TTC28: variants seen among roughly 807,000 people sequenced by gnomAD.
TTC28 encodes the protein tetratricopeptide repeat domain 28, also known as tetratricopeptide repeat protein 28.
A neutral mutation model predicts 198.0 loss-of-function variants in TTC28; 61 were observed. The observed-to-expected ratio is 0.31, with a 90% confidence interval of 0.25 to 0.38. The LOEUF (loss-of-function observed/expected upper bound fraction) is 0.38, where lower values mean the gene tolerates loss of function less well. Ranked by LOEUF, TTC28 falls within the 10% of genes least tolerant of loss-of-function variation. The pLI is 1.00. For missense variants in TTC28, 2,678 were observed against 3,164.0 expected (o/e 0.85, Z 3.69); for synonymous variants, 1,171 against 1,297.8 (o/e 0.90, Z 2.10).
At chr22:28,647,752 T>C (rs186293471) in intron 1 of TTC28, among the ~76,000 whole-genome samples, 166 of 151,434 alleles carry the variant, frequency 1.1e-3, no homozygotes, top group South Asian at 5.2e-3. Flanking sequence ...GGCAAGAGAA[T>C]GGTGTGAACC....
intron 2 of TTC28, among the ~76,000 whole-genome samples, chr22:28,388,096 T>C (rs1198956747): frequency 6.6e-6 from 1 of 152,218 alleles, no homozygotes; most frequent in African/African-American, 2.4e-5. Flanking sequence ...GGTTATTAAA[T>C]AGGGAATCCT....
At chr22:28,028,156 A>G (rs1344558198) in intron 13 of TTC28, among the ~76,000 whole-genome samples, 1 of 152,226 alleles carries the variant, frequency 6.6e-6, no homozygotes, top group African/African-American at 2.4e-5. Flanking sequence ...AAGAGTCTGC[A>G]GAGACCCCTT....
chr22:28,656,220 C>T (rs2051648761), intron 1 of TTC28, among the ~76,000 whole-genome samples: 1 of 152,094 alleles, frequency 6.6e-6, no homozygotes, highest in Non-Finnish European at 1.5e-5. Context: ...CAGGAGAGGC[C>T]CAAGGAGCCT....
chr22:28,562,301 C>T (rs962640498), intron 2 of TTC28, among the ~76,000 whole-genome samples: 64 of 152,174 alleles, frequency 4.2e-4, no homozygotes, highest in African/African-American at 1.4e-3. Context: ...ATTATAGATG[C>T]TTTCAATTTC....
At chr22:28,237,370 A>G (rs1372731312) in intron 5 of TTC28, among the ~76,000 whole-genome samples, 1 of 152,200 alleles carries the variant, frequency 6.6e-6, no homozygotes, top group African/African-American at 2.4e-5. Flanking sequence ...CAGTTACTCA[A>G]ATCATTTTCT....
intron 8 of TTC28, among the ~76,000 whole-genome samples, chr22:28,101,782 T>TAAAAA (rs11459818): frequency 9.4e-5 from 5 of 53,128 alleles, no homozygotes; most frequent in Non-Finnish European, 1.3e-4. Flanking sequence ...CCATCTCTGT[T>TAAAAA]AAAAAAAAAA....
chr22:28,607,642 T>C (rs1601616695), intron 2 of TTC28, among the ~76,000 whole-genome samples: 1 of 152,206 alleles, frequency 6.6e-6, no homozygotes, highest in Non-Finnish European at 1.5e-5. Context: ...AATAGGTAAG[T>C]AGAGGTTCTA....
At chr22:28,053,491 C>T (rs1340589372) in intron 12 of TTC28, among the ~76,000 whole-genome samples, 3 of 152,134 alleles carry the variant, frequency 2.0e-5, no homozygotes, top group Admixed American at 6.5e-5. Flanking sequence ...AGACTGAAGA[C>T]GGAATACTGG....
chr22:28,644,855 C>T (rs1387494539), intron 1 of TTC28, among the ~76,000 whole-genome samples: 1 of 151,720 alleles, frequency 6.6e-6, no homozygotes, highest in Non-Finnish European at 1.5e-5. Flanking sequence ...TTTTTAAATG[C>T]TCCAGTTCAG....
intron 6 of TTC28, among the ~76,000 whole-genome samples, chr22:28,161,717 AG>A (rs1313067916): frequency 4.8e-5 from 7 of 146,168 alleles, no homozygotes; most frequent in Non-Finnish European, 1.1e-4. Context: ...GAAAGAGGAA[AG>A]GAAAGAGGAC....
chr22:28,086,708 A>C (rs1274580319), intron 12 of TTC28, among the ~76,000 whole-genome samples: 3 of 152,196 alleles, frequency 2.0e-5, no homozygotes, highest in Non-Finnish European at 4.4e-5. Flanking sequence ...CCCTTCAAAA[A>C]ATTAATGAAT....
intron 2 of TTC28, among the ~76,000 whole-genome samples, chr22:28,600,259 G>T (rs2050617182): frequency 1.3e-5 from 2 of 151,732 alleles, no homozygotes; most frequent in Non-Finnish European, 2.9e-5. Context: ...AAAAAAAACA[G>T]CTGGGCATGG....
Position 27,983,019 on chromosome 22 carries a change from C to A in TTC28, c.6648G>T (p.Arg2216Ser). 1 of 1,551,680 alleles carries A rather than the reference C, an allele frequency of 6.4e-7. No individual in the cohort carries two copies. The highest frequency in any genetic ancestry group is 8.7e-7 in the Non-Finnish European group (1 of 1,146,980). Residue 2216 changes from arginine (R) to serine (S), a missense_variant, in exon 23 of 23, where the codon AGG (arginine) becomes AGT (serine). Physicochemically the swap from Arg to Ser is moderately radical, Grantham distance 110. This residue lies in a region of TTC28 where 622 missense variants were observed against 656.0 expected (regional missense o/e 0.95). Transcript: ENST00000397906. ...FRASETSAFS[R>S]PVLSHQKSQP... Reference sequence around the variant, plus strand: ...GACTCTTCTGATGGGAGAGAACAGGCCTGCTGAACGCACTGGTTTCTGACG... The same window carrying A: ...GACTCTTCTGATGGGAGAGAACAGGACTGCTGAACGCACTGGTTTCTGACG...
chr22:28,513,058 TAAACTCA>T (rs2048715321), intron 2 of TTC28, among the ~76,000 whole-genome samples: 1 of 149,824 alleles, frequency 6.7e-6, no homozygotes, highest in Admixed American at 6.7e-5. Context: ...TAGCTCACTG[TAAACTCA>T]AAAGCTCCTG....
chr22:28,506,180 AC>A (rs1477000216), intron 2 of TTC28, among the ~76,000 whole-genome samples: 1 of 150,088 alleles, frequency 6.7e-6, no homozygotes, highest in Non-Finnish European at 1.5e-5. Flanking sequence ...AGAAGCAGCC[AC>A]CATCTCTGCA....
chr22:28,149,401 A>AC (rs1253764351), intron 6 of TTC28, among the ~76,000 whole-genome samples: 1 of 152,252 alleles, frequency 6.6e-6, no homozygotes, highest in Admixed American at 6.5e-5. Context: ...GTATATATAC[A>AC]CAACGAAATA....
At chr22:28,012,488 T>C (rs141735215) in intron 14 of TTC28, among the ~76,000 whole-genome samples, 54 of 152,268 alleles carry the variant, frequency 3.5e-4, no homozygotes, top group African/African-American at 1.3e-3. Context: ...CATTCACTGC[T>C]GCTGCTGCCT....
intron 2 of TTC28, among the ~76,000 whole-genome samples, chr22:28,439,551 C>G (rs1397447144): frequency 6.6e-6 from 1 of 152,190 alleles, no homozygotes; most frequent in Non-Finnish European, 1.5e-5. Context: ...AGCTGTGATC[C>G]TACCATGCTA....
intron 5 of TTC28, among the ~76,000 whole-genome samples, chr22:28,292,062 C>T (rs1223306135): frequency 6.6e-6 from 1 of 151,222 alleles, no homozygotes; most frequent in African/African-American, 2.4e-5. Context: ...TTGGATAAAA[C>T]TAATAAATAT....
Sources: allele counts gnomAD v4.1 joint callset (sites outside exome capture counted in the v4.1 genomes callset), GRCh38; gene constraint gnomAD v4.1.1; regional missense constraint gnomAD v4.1.1; transcripts MANE v1.5; gene names NCBI Gene and HGNC (gene_info 2026-07-23, HGNC 2026-07-21).